The following AMMECR1 variants were observed in gnomAD, a reference collection of about 807,000 sequenced individuals.
AMMECR1 encodes the protein nuclear protein AMMECR1.
A neutral mutation model predicts 22.5 loss-of-function variants in AMMECR1; 3 were observed. That is an observed-to-expected ratio of 0.13 (90% CI 0.06 to 0.35). The LOEUF (loss-of-function observed/expected upper bound fraction) is 0.35, where lower values mean the gene tolerates loss of function less well. Ranked by LOEUF, AMMECR1 falls within the 10% of genes least tolerant of loss-of-function variation. AMMECR1 has a pLI of 1.00. For missense variants in AMMECR1, 235 were observed against 278.7 expected, an observed-to-expected ratio of 0.84 and a Z score of 1.12; for synonymous variants, 130 against 116.7, an observed-to-expected ratio of 1.11 and a Z score of -0.74.
chrX:110,217,963 GTA>G (rs951312273), intron 2 of AMMECR1, among the ~76,000 whole-genome samples: 4 of 111,008 alleles, frequency 3.6e-5, no homozygotes, highest in African/African-American at 1.3e-4. Context: ...ATGTATAAAA[GTA>G]TATATGTTTT....
chrX:110,396,144 C>T (rs192961972), intron 2 of AMMECR1, among the ~76,000 whole-genome samples: 2 of 111,448 alleles, frequency 1.8e-5, no homozygotes, highest in East Asian at 5.6e-4. Context: ...GCCTGGCATC[C>T]AGTATTAGTC....
chrX:110,327,910 A>G (rs1217392034), intron 2 of AMMECR1, among the ~76,000 whole-genome samples: 1 of 111,827 alleles, frequency 8.9e-6, no homozygotes, highest in African/African-American at 3.3e-5. Context: ...AAGGAGATCA[A>G]TATAATAAGG....
intron 2 of AMMECR1, among the ~76,000 whole-genome samples, chrX:110,405,097 C>G (rs186850485): frequency 5.8e-4 from 59 of 101,239 alleles, no homozygotes; most frequent in East Asian, 3.2e-3. Context: ...GTCCCCCCCC[C>G]CCCCAAGCAT....
At chrX:110,221,370 C>T (rs1272094358) in intron 2 of AMMECR1, among the ~76,000 whole-genome samples, 1 of 111,521 alleles carries the variant, frequency 9.0e-6, no homozygotes, top group Non-Finnish European at 1.9e-5. Context: ...CTCTGTCTCA[C>T]TAAGTAGCAA....
At chrX:110,381,776 G>A (rs1231246264) in intron 2 of AMMECR1, among the ~76,000 whole-genome samples, 1 of 110,830 alleles carries the variant, frequency 9.0e-6, no homozygotes, top group Admixed American at 9.6e-5. Flanking sequence ...ATGGGAACAT[G>A]GATGCAGCTG....
chrX:110,323,500 A>G (rs1483365669), intron 2 of AMMECR1, among the ~76,000 whole-genome samples: 1 of 112,134 alleles, frequency 8.9e-6, no homozygotes, highest in East Asian at 2.8e-4. Context: ...ATGGAATCAT[A>G]TAATATTTGC....
At chrX:110,226,891 T>C (rs1245409760) in intron 2 of AMMECR1, among the ~76,000 whole-genome samples, 4 of 111,741 alleles carry the variant, frequency 3.6e-5, no homozygotes, top group Non-Finnish European at 5.6e-5. Flanking sequence ...TTGTTTTTGT[T>C]CTCTTCTTTC....
At chrX:110,315,796 T>A (rs1478084852) in intron 1 of AMMECR1, among the ~76,000 whole-genome samples, 1 of 112,138 alleles carries the variant, frequency 8.9e-6, no homozygotes, top group Non-Finnish European at 1.9e-5. Flanking sequence ...TGCAGTCCCA[T>A]GACTTTGCAG....
intron 2 of AMMECR1, among the ~76,000 whole-genome samples, chrX:110,329,476 A>G (rs2068112008): frequency 8.9e-6 from 1 of 112,230 alleles, no homozygotes; most frequent in Non-Finnish European, 1.9e-5. Context: ...TACAATGTAC[A>G]GTAACCTTTT....
chrX:110,224,507 A>T (rs747729787), intron 2 of AMMECR1, among the ~76,000 whole-genome samples: 5 of 109,466 alleles, frequency 4.6e-5, no homozygotes, highest in African/African-American at 1.7e-4. Context: ...ACTCAGAGTT[A>T]CAGGGAGTTT....
chrX:110,353,745 G>C (rs2068219926), intron 2 of AMMECR1, among the ~76,000 whole-genome samples: 1 of 111,561 alleles, frequency 9.0e-6, no homozygotes. Context: ...ATCATGGAGA[G>C]TGTTCCATGT....
At chrX:110,268,388 C>T (rs1330998011) in intron 1 of AMMECR1, among the ~76,000 whole-genome samples, 1 of 112,262 alleles carries the variant, frequency 8.9e-6, no homozygotes, top group African/African-American at 3.2e-5. Context: ...CATTAAAAAT[C>T]TGGGACTCTA....
In AMMECR1 at chrX:110,194,219, A is replaced by T. The variant is rs2067359794; in HGVS notation, c.*4301T>A. The T allele has an allele frequency of 8.9e-6, 1 of 112,389 alleles. No individual in the cohort carries two copies. The highest frequency in any genetic ancestry group is 3.2e-5 in the African/African-American group (1 of 30,885). The allele number at this position is 112,389 out of a possible 1,213,427, so 9.3% of individuals were successfully genotyped here. On this transcript the variant is annotated 3_prime_UTR_variant, in exon 6 of 6. Coordinates refer to ENST00000262844, the MANE Select transcript of AMMECR1 (RefSeq NM_015365.3). ...AACATTTTATTGGGTAAATGATTTT[A>T]AAGGTAATAACAATAGTGTCAAAAC...
intron 1 of AMMECR1, among the ~76,000 whole-genome samples, chrX:110,279,996 T>A (rs1225054820): frequency 8.9e-6 from 1 of 112,186 alleles, no homozygotes; most frequent in Admixed American, 9.4e-5. Context: ...TGTGTATATG[T>A]GTGCATATAT....
chrX:110,347,311 A>G (rs2068194511), intron 2 of AMMECR1, among the ~76,000 whole-genome samples: 1 of 112,653 alleles, frequency 8.9e-6, no homozygotes, highest in Non-Finnish European at 1.9e-5. Context: ...GAAATGCTGT[A>G]TGGCATATAT....
intron 1 of AMMECR1, among the ~76,000 whole-genome samples, chrX:110,431,238 A>G (rs1458720322): frequency 4.5e-5 from 5 of 111,435 alleles, no homozygotes; most frequent in Admixed American, 1.9e-4. Context: ...TCTTGGTTCA[A>G]TATTTACCTG....
chrX:110,358,837 G>C (rs1029193123), intron 2 of AMMECR1: 1 of 111,684 alleles, frequency 9.0e-6, no homozygotes, highest in African/African-American at 3.3e-5. Flanking sequence ...GTGCCCACTG[G>C]AGAGCAAGTC....
chrX:110,393,995 T>C (rs997514303), intron 2 of AMMECR1, among the ~76,000 whole-genome samples: 2 of 112,675 alleles, frequency 1.8e-5, no homozygotes, highest in Non-Finnish European at 3.8e-5. Flanking sequence ...TGAGCGCTTT[T>C]GTGATTCTTC....
At chrX:110,365,244 C>T (rs189776487) in intron 2 of AMMECR1, among the ~76,000 whole-genome samples, 22 of 111,742 alleles carry the variant, frequency 2.0e-4, no homozygotes, top group African/African-American at 7.2e-4. Context: ...GTTAGTATAT[C>T]TGAAGATAGG....
Sources: gnomAD v4.1 joint callset for allele counts (sites outside exome capture counted in the v4.1 genomes callset) on GRCh38, gnomAD v4.1.1 for gene constraint, MANE v1.5 for transcripts, NCBI Gene and HGNC (gene_info 2026-07-23, HGNC 2026-07-21) for gene names.